Variants in ZNF225 observed in about 807,000 individuals in gnomAD.
ZNF225 encodes zinc finger protein 225.
ZNF225 carries 6 observed loss-of-function variants against 12.0 expected under a neutral mutation model. The ratio of observed to expected loss-of-function variants is 0.50; its 90% CI spans 0.27 to 0.98. The LOEUF is 0.98. Among genes scored for constraint, ZNF225 ranks in the 50% least tolerant of loss-of-function variants. ZNF225 has a pLI of 0.11. For missense variants in ZNF225, 763 were observed against 848.2 expected (o/e 0.90, Z 1.25); for synonymous variants, 271 against 283.2 (o/e 0.96, Z 0.43).
intron 4 of ZNF225, among the ~76,000 whole-genome samples, chr19:44,123,284 T>C (rs1020019896): frequency 6.6e-6 from 1 of 152,096 alleles, no homozygotes; most frequent in African/African-American, 2.4e-5. Flanking sequence ...GTTTATGTGG[T>C]GTATCACATT....
chr19:44,128,957 C>A, intron 4 of ZNF225: 2 of 782,290 alleles, frequency 2.6e-6, no homozygotes, highest in Non-Finnish European at 3.5e-6. Context: ...AGGGCATGAC[C>A]CCTTAGGCGT....
At chr19:44,127,199 G>A (rs996301290) in intron 4 of ZNF225, among the ~76,000 whole-genome samples, 10 of 152,208 alleles carry the variant, frequency 6.6e-5, no homozygotes, top group East Asian at 3.8e-4. Flanking sequence ...GGGACCCAAC[G>A]AGGTCCCAAG....
At chr19:44,129,327 T>A (rs1159776862) in intron 4 of ZNF225, 3 of 344,404 alleles carry the variant, frequency 8.7e-6, no homozygotes, top group African/African-American at 2.1e-5. Flanking sequence ...ATTATTTTCA[T>A]GTTCCATATT....
rs531318571 is a variant in ZNF225 at position 44,121,536 on chromosome 19, G to A, written c.235+2962G>A. On this transcript the variant is annotated intron_variant, in intron 4 of 4. Coordinates refer to ENST00000262894, the MANE Select transcript of ZNF225 (RefSeq NM_013362.4). ...AGTAGTGGGATTGCTGGATCAAATG[G>A]TAGTTCTACTTTTAGTTCTTTAAGG... Among the ~76,000 whole-genome samples the A allele has an allele frequency of 2.0e-5, 3 of 152,286 alleles. No homozygotes were observed. In the South Asian group the frequency reaches 6.2e-4, roughly 32 times the overall value.
At chr19:44,127,067 G>A (rs928805311) in intron 4 of ZNF225, among the ~76,000 whole-genome samples, 3 of 152,210 alleles carry the variant, frequency 2.0e-5, no homozygotes, top group Admixed American at 6.5e-5. Context: ...CTTCTTGCCT[G>A]GTTCAAACTG....
chr19:44,115,680 C>T, intron 1 of ZNF225, 80 bp from the exon 2 acceptor site: 1 of 656,500 alleles, frequency 1.5e-6, no homozygotes, highest in South Asian at 2.4e-5. Flanking sequence ...TGTTAATTTA[C>T]AATACACATT....
intron 2 of ZNF225, among the ~76,000 whole-genome samples, chr19:44,117,566 T>G (rs935448483): frequency 6.6e-6 from 1 of 152,232 alleles, no homozygotes; most frequent in Admixed American, 6.5e-5. Context: ...CCTATATACG[T>G]GCAGCCCAGG....
At position 44,118,320 on chromosome 19, in the gene ZNF225, G is replaced by T; in HGVS notation, c.142+6G>T. On this transcript the variant is annotated splice_donor_region_variant and intron_variant, in intron 3 of 4. Coordinates refer to ENST00000262894, the MANE Select transcript of ZNF225 (RefSeq NM_013362.4). ...CAGGAACCTGCTCTCAGTGGGTGAGGACAGGCACCCTTTGTAAGGGAACAT... is the reference window on the plus strand; with the variant it reads ...CAGGAACCTGCTCTCAGTGGGTGAGTACAGGCACCCTTTGTAAGGGAACAT... 1 of 1,611,782 alleles carries T rather than the reference G, an allele frequency of 6.2e-7. No individual in the cohort carries two copies. Among genetic ancestry groups the T allele is most frequent in the Non-Finnish European group, 8.5e-7 (1 of 1,179,136 alleles).
chr19:44,115,526 A>G, intron 1 of ZNF225: 1 of 289,384 alleles, frequency 3.5e-6, no homozygotes, highest in African/African-American at 2.2e-5. Context: ...TGTAGCATGA[A>G]TCAGTACTTC....
At chr19:44,123,781 A>G (rs1233155971) in intron 4 of ZNF225, among the ~76,000 whole-genome samples, 1 of 152,160 alleles carries the variant, frequency 6.6e-6, no homozygotes, top group Non-Finnish European at 1.5e-5. Context: ...ATGTGTGTAA[A>G]GGTGTTCACA....
chr19:44,125,884 T>A (rs1968137494), intron 4 of ZNF225, among the ~76,000 whole-genome samples: 1 of 151,974 alleles, frequency 6.6e-6, no homozygotes, highest in Admixed American at 6.5e-5. Flanking sequence ...GTTTCCTGAA[T>A]TTTTTATTTT....
chr19:44,116,351 C>T (rs1385261001), intron 2 of ZNF225, among the ~76,000 whole-genome samples: 4 of 152,212 alleles, frequency 2.6e-5, no homozygotes, highest in African/African-American at 7.2e-5. Flanking sequence ...CGAGAGCCAG[C>T]GTCCACAGGT....
chr19:44,116,748 A>C (rs1967950438), intron 2 of ZNF225, among the ~76,000 whole-genome samples: 1 of 152,214 alleles, frequency 6.6e-6, no homozygotes, highest in Admixed American at 6.5e-5. Flanking sequence ...AGACTGTTAA[A>C]TTCTTCCTAA....
At position 44,132,605 on chromosome 19, in the gene ZNF225, G is replaced by A; in HGVS notation, c.1991G>A (p.Ser664Asn). Residue 664 changes from serine (S) to asparagine (N), a missense_variant, in exon 5 of 5, where the codon AGT becomes AAT. Transcript: ENST00000262894. The stretch of plus-strand genomic sequence containing the variant: ...GACTGTGGGAAGAGCATTGTGCACA[G>A]TTCATGCCTTAAAGACCAACAAAGA... The part of the protein sequence containing the change: ...CEDCGKSIVH[S>N]SCLKDQQRDQ... 1.2e-6 allele frequency: 2 copies of A among 1,614,118 alleles called. No homozygotes were observed.
At chr19:44,130,750 A>G (rs10413195) in intron 4 of ZNF225, 100 bp from the exon 5 acceptor site, 627,669 of 774,076 alleles carry the variant, frequency 0.81, 260,458 homozygotes, top group Non-Finnish European at 0.87. Context: ...AACATTCCCT[A>G]TATTTATTAA....
At chr19:44,114,115 C>A in intron 1 of ZNF225, 2 of 612,958 alleles carry the variant, frequency 3.3e-6, no homozygotes, top group Non-Finnish European at 5.5e-6. Context: ...GGCACGGCGA[C>A]CACGGTCAGA....
chr19:44,131,714 C>A lies in ZNF225; in HGVS notation c.1100C>A (p.Thr367Lys). 5 of 1,614,168 alleles carry A rather than the reference C, an allele frequency of 3.1e-6. No individual in the cohort carries two copies. Among genetic ancestry groups the A allele is most frequent in the Non-Finnish European group, 4.2e-6 (5 of 1,180,034 alleles). ...QDLYKHQIDH[T>K]GEKPYNCKEC... ...CTTTATAAGCATCAGATAGACCACA[C>A]AGGGGAGAAGCCATATAATTGTAAA... is the stretch of plus-strand genomic sequence containing the variant. The change falls in exon 5 of 5, where the codon ACA becomes AAA. Residue 367 changes from threonine to lysine, a missense_variant. Physicochemically the swap from Thr to Lys is moderately conservative, Grantham distance 78. Coordinates refer to ENST00000262894, the MANE Select transcript of ZNF225 (RefSeq NM_013362.4).
chr19:44,120,402 G>A (rs920172247), intron 4 of ZNF225, among the ~76,000 whole-genome samples: 4 of 152,164 alleles, frequency 2.6e-5, no homozygotes, highest in African/African-American at 9.7e-5. Flanking sequence ...TACATGGCAG[G>A]TATCTAATTA....
rs1345380437 is a variant in ZNF225 at position 44,118,187 on chromosome 19, G to C, written c.16-1G>C. The stretch of plus-strand genomic sequence containing the variant: ...GAGGTTGCATATGTTCGATGCTGTA[G>C]GAGGCAGTGACCTTCAAGGACGTGG... On this transcript the variant is annotated splice_acceptor_variant, in intron 2 of 4. Coordinates refer to ENST00000262894, the MANE Select transcript of ZNF225 (RefSeq NM_013362.4). LOFTEE classifies it high-confidence loss of function. 3.7e-6 allele frequency: 6 copies of C among 1,611,302 alleles called. No homozygotes were observed. The highest frequency in any genetic ancestry group is 5.1e-6 in the Non-Finnish European group (6 of 1,178,764).
Sources: allele counts gnomAD v4.1 joint callset (sites outside exome capture counted in the v4.1 genomes callset), GRCh38; gene constraint gnomAD v4.1.1; transcripts MANE v1.5; gene names NCBI Gene and HGNC (gene_info 2026-07-23, HGNC 2026-07-21).